The following FAM78B variants were observed in gnomAD, a reference collection of about 807,000 sequenced individuals.
FAM78B encodes family with sequence similarity 78 member B.
In FAM78B, 10 loss-of-function variants were observed where a neutral mutation model predicts 20.0. The ratio of observed to expected loss-of-function variants is 0.50; its 90% confidence interval spans 0.31 to 0.85. The LOEUF (loss-of-function observed/expected upper bound fraction) is 0.85. Ranked by LOEUF, FAM78B falls within the 40% of genes least tolerant of loss-of-function variation. FAM78B has a pLI of 0.05. For missense variants in FAM78B, 283 were observed against 345.0 expected (o/e 0.82, Z 1.42); for synonymous variants, 135 against 132.8 (o/e 1.02, Z -0.12).
chr1:166,137,314 G>A (rs1441920470), intron 1 of FAM78B, among the ~76,000 whole-genome samples: 1 of 152,220 alleles, frequency 6.6e-6, no homozygotes, highest in Non-Finnish European at 1.5e-5. Context: ...AGCCATGTCT[G>A]CCACAGGCAT....
At chr1:166,111,470 C>G (rs1557904144) in intron 1 of FAM78B, among the ~76,000 whole-genome samples, 1 of 152,220 alleles carries the variant, frequency 6.6e-6, no homozygotes, top group Non-Finnish European at 1.5e-5. Flanking sequence ...GCTGGAGCAG[C>G]TGTCTACAGC....
chr1:166,101,907 TCA>T (rs754160954), intron 1 of FAM78B, among the ~76,000 whole-genome samples: 14 of 151,838 alleles, frequency 9.2e-5, no homozygotes, highest in Non-Finnish European at 1.6e-4. Context: ...CACATAATTG[TCA>T]GATTCACCAA....
intron 1 of FAM78B, among the ~76,000 whole-genome samples, chr1:166,156,403 C>T (rs1445852789): frequency 6.6e-6 from 1 of 152,148 alleles, no homozygotes; most frequent in East Asian, 1.9e-4. Flanking sequence ...ATGACCTCTC[C>T]CATCCCTGAC....
intron 1 of FAM78B, among the ~76,000 whole-genome samples, chr1:166,077,599 TTA>T (rs890695133): frequency 1.4e-5 from 2 of 144,400 alleles, no homozygotes; most frequent in African/African-American, 5.1e-5. Context: ...ATACATATAA[TTA>T]TATATTTATA....
At chr1:166,067,833 T>C (rs139653483), downstream of FAM78B, among the ~76,000 whole-genome samples, 2 of 152,328 alleles carry the variant, frequency 1.3e-5, no homozygotes, top group African/African-American at 4.8e-5. Flanking sequence ...ATTTTTTTCA[T>C]TTTGTCATTA....
At chr1:166,134,098 G>C (rs1051146831) in intron 1 of FAM78B, among the ~76,000 whole-genome samples, 1 of 152,198 alleles carries the variant, frequency 6.6e-6, no homozygotes, top group Non-Finnish European at 1.5e-5. Context: ...CATGCTGTCA[G>C]GGGTTTTTCT....
chr1:166,147,192 G>A (rs1261130221), intron 1 of FAM78B, among the ~76,000 whole-genome samples: 4 of 152,176 alleles, frequency 2.6e-5, no homozygotes, highest in Non-Finnish European at 4.4e-5. Flanking sequence ...CTCAACACCA[G>A]GATAGGAAAG....
chr1:166,084,387 C>G (rs1209927861), intron 1 of FAM78B, among the ~76,000 whole-genome samples: 4 of 152,222 alleles, frequency 2.6e-5, no homozygotes, highest in Non-Finnish European at 2.9e-5. Flanking sequence ...CAAAGTGAGC[C>G]CTTTCACCTT....
intron 1 of FAM78B, among the ~76,000 whole-genome samples, chr1:166,101,733 T>C (rs548476617): frequency 3.3e-5 from 5 of 152,248 alleles, no homozygotes; most frequent in African/African-American, 7.2e-5. Context: ...CTACGTCTGA[T>C]TGGTGTACCT....
Position 166,146,281 on chromosome 1 carries a change from C to T in FAM78B, c.263+19705G>A, listed in dbSNP as rs114010826. On this transcript the variant is annotated intron_variant, in intron 1 of 1. Transcript: ENST00000354422. ...TCTATTTTCTTCACTCAGGGTTTTA[C>T]GGCATCTGGGATCACAAGGCATTAT... 1.4e-3 allele frequency among the ~76,000 whole-genome samples: 209 copies of T among 152,290 alleles called. 1 individual carries two copies. The highest frequency in any genetic ancestry group is 4.9e-3 in the African/African-American group (203 of 41,570).
chr1:166,093,195 T>C (rs1041021804), intron 1 of FAM78B, among the ~76,000 whole-genome samples: 3 of 152,194 alleles, frequency 2.0e-5, no homozygotes, highest in Admixed American at 1.3e-4. Context: ...TATATATCTC[T>C]CCAGCTTCTC....
intron 1 of FAM78B, among the ~76,000 whole-genome samples, chr1:166,080,148 C>T (rs1007289418): frequency 2.0e-5 from 3 of 152,118 alleles, no homozygotes; most frequent in Non-Finnish European, 4.4e-5. Context: ...TCTCATGATG[C>T]CTCCCTAGTA....
chr1:166,119,810 T>C (rs1189859409), intron 1 of FAM78B, among the ~76,000 whole-genome samples: 1 of 152,234 alleles, frequency 6.6e-6, no homozygotes, highest in Non-Finnish European at 1.5e-5. Context: ...CCCTGAAGCC[T>C]TGCCAAGGCA....
At chr1:166,073,949 C>T (rs1177783760) in intron 1 of FAM78B, among the ~76,000 whole-genome samples, 1 of 152,170 alleles carries the variant, frequency 6.6e-6, no homozygotes, top group Non-Finnish European at 1.5e-5. Context: ...TCTCCTTTTC[C>T]CCACCCAACT....
rs147177465 is a variant in FAM78B, at chr1:166,118,307, G to A, written c.264-47544C>T. ...AAGGGTGCCGTGGGACTCTATGATT[G>A]CTAAAATCTCTTTGGGCTCTAAGGG... is the stretch of plus-strand genomic sequence containing the variant. On this transcript the variant is annotated intron_variant, in intron 1 of 1. Coordinates refer to ENST00000354422, the MANE Select transcript of FAM78B (RefSeq NM_001017961.5). 2.1e-3 allele frequency among the ~76,000 whole-genome samples: 319 copies of A among 152,212 alleles called. 1 individual carries two copies. The highest frequency in any genetic ancestry group is 7.4e-3 in the African/African-American group (309 of 41,524).
Position 166,140,471 on chromosome 1 carries a change from C to T in FAM78B, c.263+25515G>A, listed in dbSNP as rs549340817. Among the ~76,000 whole-genome samples, 65 of 152,306 alleles carry T rather than the reference C, an allele frequency of 4.3e-4. 2 individuals are homozygous for T. The South Asian group carries it at 0.011, about 25-fold the overall frequency. On this transcript the variant is annotated intron_variant, in intron 1 of 1. Coordinates refer to ENST00000354422, the MANE Select transcript of FAM78B (RefSeq NM_001017961.5). The stretch of plus-strand genomic sequence containing the variant: ...TACAGGGCTTCGGGCCTTCAGGAAA[C>T]GATAGTTAGGATGACCAATAAATCA...
intron 1 of FAM78B, among the ~76,000 whole-genome samples, chr1:166,135,590 A>T (rs1292676336): frequency 6.6e-6 from 1 of 152,264 alleles, no homozygotes; most frequent in East Asian, 1.9e-4. Flanking sequence ...TTGGGTGAAG[A>T]CATTCTCCTT....
chr1:166,083,220 G>C (rs1049055350), intron 1 of FAM78B, among the ~76,000 whole-genome samples: 3 of 152,164 alleles, frequency 2.0e-5, no homozygotes, highest in African/African-American at 7.2e-5. Context: ...TGGGACTATA[G>C]GAGTTTTCTC....
At chr1:166,124,637 C>T (rs1241781694) in intron 1 of FAM78B, among the ~76,000 whole-genome samples, 1 of 152,234 alleles carries the variant, frequency 6.6e-6, no homozygotes, top group East Asian at 1.9e-4. Flanking sequence ...ATTTAACAGG[C>T]TTCAGTCTAC....
Sources: allele counts gnomAD v4.1 joint callset (sites outside exome capture counted in the v4.1 genomes callset), GRCh38; gene constraint gnomAD v4.1.1; transcripts MANE v1.5; gene names NCBI Gene and HGNC (gene_info 2026-07-23, HGNC 2026-07-21).